ADH1C: variants seen among roughly 807,000 people sequenced by gnomAD.
The protein encoded by ADH1C is alcohol dehydrogenase 1C.
A neutral mutation model predicts 35.0 loss-of-function variants in ADH1C; 26 were observed. That is an observed-to-expected ratio of 0.74 (90% CI 0.54 to 1.03). ADH1C has a LOEUF of 1.03. ADH1C is among the 50% of genes least tolerant of loss of function. ADH1C has a pLI of 0.00. For synonymous variants in ADH1C, 170 were observed against 169.3 expected, an observed-to-expected ratio of 1.00 and a Z score of -0.03; for missense variants, 413 against 465.4, an observed-to-expected ratio of 0.89 and a Z score of 1.04.
At position 99,347,865 on chromosome 4, in the gene ADH1C, A is replaced by T. The variant is rs1560539186; in HGVS notation, c.19-19T>A. 1 of 1,612,954 alleles carries T rather than the reference A, an allele frequency of 6.2e-7. No individual in the cohort carries two copies. On this transcript the variant is annotated intron_variant, in intron 1 of 8. Coordinates refer to ENST00000515683, the MANE Select transcript of ADH1C (RefSeq NM_000669.5). ...TGATTACCTAGAACATCAGACAGAGAGATGGTACCAGTGTTTTCCCACGCT... is the reference window on the plus strand; with the variant it reads ...TGATTACCTAGAACATCAGACAGAGTGATGGTACCAGTGTTTTCCCACGCT...
chr4:99,351,042 G>A (rs541706886), intron 1 of ADH1C: 1 of 152,364 alleles, frequency 6.6e-6, no homozygotes, highest in African/African-American at 2.4e-5. Flanking sequence ...TGAGGCTGAG[G>A]CAGGAGAATC....
At chr4:99,341,344 G>T (rs1027009773) in intron 6 of ADH1C, among the ~76,000 whole-genome samples, 1 of 152,160 alleles carries the variant, frequency 6.6e-6, no homozygotes, top group Non-Finnish European at 1.5e-5. Context: ...TCTGTAGTTA[G>T]AAAATGGTTT....
intron 6 of ADH1C, among the ~76,000 whole-genome samples, 191 bp downstream of exon 6, chr4:99,342,604 A>G (rs1167466562): frequency 1.3e-5 from 2 of 152,200 alleles, no homozygotes; most frequent in East Asian, 3.9e-4. Flanking sequence ...GACTTGAGAC[A>G]GGTTTGCTTA....
At chr4:99,339,320 ACT>A (rs975461290) in intron 8 of ADH1C, among the ~76,000 whole-genome samples, 2 of 151,958 alleles carry the variant, frequency 1.3e-5, no homozygotes, top group Admixed American at 6.6e-5. Flanking sequence ...AGGCTGAATG[ACT>A]CTGATCATTC....
At chr4:99,347,274 C>T (rs1734558596) in intron 2 of ADH1C, 130 bp from the exon 3 acceptor site, 2 of 1,133,870 alleles carry the variant, frequency 1.8e-6, no homozygotes, top group Admixed American at 5.6e-5. Context: ...CCCTACTATT[C>T]CCAAATATGA....
At chr4:99,341,602 T>C (rs1662058) in intron 6 of ADH1C, among the ~76,000 whole-genome samples, 47,492 of 152,078 alleles carry the variant, frequency 0.31, 8,863 homozygotes, top group Non-Finnish European at 0.41. Flanking sequence ...TCAAGGCTGC[T>C]GGGAACTTTG....
intron 1 of ADH1C, among the ~76,000 whole-genome samples, chr4:99,350,715 T>G (rs1316124483): frequency 6.6e-6 from 1 of 152,218 alleles, no homozygotes; most frequent in Admixed American, 6.5e-5. Context: ...GAATTACTTT[T>G]AAACCTAAAA....
Position 99,343,409 on chromosome 4 carries a change from T to A in ADH1C, c.568-354A>T, listed in dbSNP as rs572053511. Reference sequence around the variant, plus strand: ...CCAGGGGACTGGATGATCTTTGAGATCCAGATGACAGTGATTACAATCTTG... The same window carrying A: ...CCAGGGGACTGGATGATCTTTGAGAACCAGATGACAGTGATTACAATCTTG... On this transcript the variant is annotated intron_variant, in intron 5 of 8. Transcript: ENST00000515683. 3.9e-5 allele frequency among the ~76,000 whole-genome samples: 6 copies of A among 152,316 alleles called. No homozygotes were observed. In the South Asian group the frequency reaches 8.3e-4, roughly 21 times the overall value.
intron 7 of ADH1C, among the ~76,000 whole-genome samples, 154 bp downstream of exon 7, chr4:99,340,420 AT>A (rs55753621): frequency 0.3 from 45,410 of 150,272 alleles, 7,815 homozygotes; most frequent in Non-Finnish European, 0.4. Context: ...TCTCCAAAAA[AT>A]AAAAAAGAAA....
chr4:99,343,830 T>C (rs943288586), intron 5 of ADH1C, among the ~76,000 whole-genome samples: 2 of 152,228 alleles, frequency 1.3e-5, no homozygotes, highest in Non-Finnish European at 2.9e-5. Context: ...CTAAATTGTG[T>C]AAATTGGCTA....
intron 5 of ADH1C, among the ~76,000 whole-genome samples, chr4:99,343,834 T>A (rs1464660324): frequency 6.6e-6 from 1 of 152,196 alleles, no homozygotes; most frequent in Admixed American, 6.5e-5. Context: ...ATTGTGTAAA[T>A]TGGCTAGCGG....
At position 99,339,624 on chromosome 4, in the gene ADH1C, A is replaced by T. The variant is rs766434578; in HGVS notation, c.1056T>A (p.Pro352=). The part of the protein sequence containing the change: ...SLDALITNIL[P]FEKINEGFDL... Reference sequence around the variant, plus strand: ...CAAATCCTTCATTTATTTTTTCAAAAGGTAAAATATTTGTTATTAATGCAT... The same window carrying T: ...CAAATCCTTCATTTATTTTTTCAAATGGTAAAATATTTGTTATTAATGCAT... The change falls in exon 8 of 9, where the codon CCT becomes CCA. Residue 352 remains proline, a synonymous_variant. Transcript: ENST00000515683. The T allele has an allele frequency of 6.2e-7, 1 of 1,608,596 alleles. No individual in the cohort carries two copies. Among genetic ancestry groups the T allele is most frequent in the East Asian group, 2.2e-5 (1 of 44,830 alleles).
intron 8 of ADH1C, among the ~76,000 whole-genome samples, chr4:99,337,188 A>C (rs1353689645): frequency 6.6e-6 from 1 of 152,190 alleles, no homozygotes; most frequent in East Asian, 1.9e-4. Context: ...CAATGACGAT[A>C]GGAAGTTGGT....
chr4:99,340,465 TTTTAA>T (rs1579528151), intron 7 of ADH1C, 105 bp downstream of exon 7: 2 of 1,329,866 alleles, frequency 1.5e-6, no homozygotes, highest in South Asian at 1.3e-5. Flanking sequence ...AGAAAAGAAA[TTTTAA>T]TTTATTTTTA....
intron 6 of ADH1C, 97 bp from the exon 7 acceptor site, chr4:99,340,807 G>A (rs1734398280): frequency 2.4e-5 from 36 of 1,530,266 alleles, no homozygotes; most frequent in Non-Finnish European, 3.2e-5. Context: ...TGGATTGTGA[G>A]TGTGTAGAGG....
intron 1 of ADH1C, among the ~76,000 whole-genome samples, chr4:99,348,232 C>T (rs889912327): frequency 1.2e-4 from 18 of 149,616 alleles, no homozygotes; most frequent in Non-Finnish European, 2.4e-4. Context: ...CCCACTAACT[C>T]GTCATCTAGC....
chr4:99,352,071 C>T (rs193095177), intron 1 of ADH1C, among the ~76,000 whole-genome samples: 8 of 152,212 alleles, frequency 5.3e-5, no homozygotes, highest in African/African-American at 1.4e-4. Flanking sequence ...CCCCTTTAAA[C>T]GGAATTTGAA....
At chr4:99,347,574 G>T (rs1734566069) in intron 2 of ADH1C, among the ~76,000 whole-genome samples, 171 bp downstream of exon 2, 1 of 150,432 alleles carries the variant, frequency 6.6e-6, no homozygotes, top group Non-Finnish European at 1.5e-5. Flanking sequence ...TATACTGTTT[G>T]CCCACTTTAA....
At position 99,340,560 on chromosome 4, in the gene ADH1C, A is replaced by G. The variant is rs1734388458; in HGVS notation, c.964+15T>C. On this transcript the variant is annotated intron_variant, in intron 7 of 8. Coordinates refer to ENST00000515683, the MANE Select transcript of ADH1C (RefSeq NM_000669.5). Reference sequence around the variant, plus strand: ...TAGGTTAATGAGAATTTGGCTCTGAAGCCTAACTACATACCTCCAAAAATA... The same window carrying G: ...TAGGTTAATGAGAATTTGGCTCTGAGGCCTAACTACATACCTCCAAAAATA... 1.2e-6 allele frequency: 2 copies of G among 1,613,696 alleles called. No individual in the cohort carries two copies. The highest frequency in any genetic ancestry group is 2.7e-5 in the African/African-American group (2 of 74,920).
Sources: allele counts gnomAD v4.1 joint callset (sites outside exome capture counted in the v4.1 genomes callset), GRCh38; gene constraint gnomAD v4.1.1; transcripts MANE v1.5; gene names NCBI Gene and HGNC (gene_info 2026-07-23, HGNC 2026-07-21).